LRRC4C: variants seen among roughly 807,000 people sequenced by gnomAD.
LRRC4C encodes leucine rich repeat containing 4C.
In LRRC4C, 5 loss-of-function variants were observed where a neutral mutation model predicts 33.6. The ratio of observed to expected loss-of-function variants is 0.15; its 90% CI spans 0.08 to 0.31. The LOEUF (loss-of-function observed/expected upper bound fraction) is 0.31. Ranked by LOEUF, LRRC4C falls within the 10% of genes least tolerant of loss-of-function variation. The pLI, the probability that LRRC4C is intolerant of heterozygous loss-of-function variation, is 1.00. For missense variants in LRRC4C, 560 were observed against 796.7 expected, an observed-to-expected ratio of 0.70 and a Z score of 3.58; for synonymous variants, 329 against 302.0, an observed-to-expected ratio of 1.09 and a Z score of -0.93.
chr11:40,560,829 A>G (rs1033643584), intron 3 of LRRC4C, among the ~76,000 whole-genome samples: 6 of 152,218 alleles, frequency 3.9e-5, no homozygotes, highest in Admixed American at 6.5e-5. Context: ...ATCTGCATTT[A>G]TACACAATAT....
chr11:40,831,787 T>A (rs1320241348), intron 2 of LRRC4C, among the ~76,000 whole-genome samples: 2 of 151,946 alleles, frequency 1.3e-5, no homozygotes, highest in Non-Finnish European at 2.9e-5. Flanking sequence ...CCATTGGATC[T>A]CATGAAATAT....
intron 2 of LRRC4C, among the ~76,000 whole-genome samples, chr11:40,921,377 A>T (rs2136361924): frequency 6.6e-6 from 1 of 152,336 alleles, no homozygotes; most frequent in South Asian, 2.1e-4. Context: ...AATGTGAATG[A>T]TGTCTAGAAG....
intron 1 of LRRC4C, among the ~76,000 whole-genome samples, chr11:41,270,340 T>C (rs1226643258): frequency 2.6e-5 from 4 of 152,140 alleles, no homozygotes; most frequent in Non-Finnish European, 5.9e-5. Flanking sequence ...GTTCCTTGCT[T>C]TATGGTTCTC....
At chr11:40,250,000 T>C (rs1229382951) in intron 4 of LRRC4C, among the ~76,000 whole-genome samples, 1 of 152,242 alleles carries the variant, frequency 6.6e-6, no homozygotes, top group African/African-American at 2.4e-5. Context: ...TCGCATTGCA[T>C]GTTTGCAACT....
At chr11:40,327,760 A>C (rs2136912242) in intron 3 of LRRC4C, among the ~76,000 whole-genome samples, 1 of 152,224 alleles carries the variant, frequency 6.6e-6, no homozygotes, top group South Asian at 2.1e-4. Context: ...CAACAAAAAT[A>C]TCTCAAGCGG....
intron 3 of LRRC4C, among the ~76,000 whole-genome samples, chr11:40,424,790 T>G (rs1249403978): frequency 6.6e-6 from 1 of 152,238 alleles, no homozygotes; most frequent in Admixed American, 6.5e-5. Flanking sequence ...ATTTTTTGGA[T>G]AATTCACTCC....
intron 2 of LRRC4C, among the ~76,000 whole-genome samples, chr11:40,932,326 T>A (rs1022232069): frequency 4.6e-5 from 7 of 152,102 alleles, no homozygotes; most frequent in Non-Finnish European, 1.0e-4. Flanking sequence ...CAAAAATAGA[T>A]CCTTCTTCTA....
At chr11:40,924,168 T>TA (rs1294639251) in intron 2 of LRRC4C, among the ~76,000 whole-genome samples, 1 of 151,186 alleles carries the variant, frequency 6.6e-6, no homozygotes, top group East Asian at 1.9e-4. Flanking sequence ...TCAAAGCCCT[T>TA]AAAAATGGAA....
chr11:40,227,091 C>G (rs1864853782), intron 5 of LRRC4C, among the ~76,000 whole-genome samples: 1 of 152,160 alleles, frequency 6.6e-6, no homozygotes, highest in Admixed American at 6.5e-5. Flanking sequence ...GAGAATCTAG[C>G]CACTCACACA....
chr11:40,814,702 T>C (rs1461131053), intron 2 of LRRC4C, among the ~76,000 whole-genome samples: 1 of 151,774 alleles, frequency 6.6e-6, no homozygotes, highest in Non-Finnish European at 1.5e-5. Flanking sequence ...AAATTTCTTC[T>C]GCCAGATACC....
At chr11:41,089,562 T>G (rs1234423805) in intron 1 of LRRC4C, among the ~76,000 whole-genome samples, 1 of 152,028 alleles carries the variant, frequency 6.6e-6, no homozygotes, top group Non-Finnish European at 1.5e-5. Flanking sequence ...TCAACGTAAG[T>G]GCAGGTCAGA....
At chr11:40,643,601 T>A (rs954880496) in intron 3 of LRRC4C, among the ~76,000 whole-genome samples, 4 of 152,136 alleles carry the variant, frequency 2.6e-5, no homozygotes, top group South Asian at 2.1e-4. Context: ...CACCCAGGAA[T>A]AATGACACCA....
At chr11:40,627,740 T>C (rs913271683) in intron 3 of LRRC4C, among the ~76,000 whole-genome samples, 1 of 152,176 alleles carries the variant, frequency 6.6e-6, no homozygotes. Flanking sequence ...TACTCTTCCA[T>C]TTGAGCACTT....
intron 3 of LRRC4C, among the ~76,000 whole-genome samples, chr11:40,338,681 T>G (rs935607944): frequency 1.5e-4 from 23 of 152,146 alleles, no homozygotes; most frequent in African/African-American, 5.1e-4. Context: ...TTGAAAGTAT[T>G]TTTTTTAAAA....
chr11:40,283,169 C>T (rs571772964), intron 4 of LRRC4C, among the ~76,000 whole-genome samples: 1 of 152,210 alleles, frequency 6.6e-6, no homozygotes, highest in East Asian at 1.9e-4. Flanking sequence ...CTATGAGAAG[C>T]TATGCATTGG....
intron 3 of LRRC4C, among the ~76,000 whole-genome samples, chr11:40,454,822 G>T (rs1490938040): frequency 6.6e-6 from 1 of 152,100 alleles, no homozygotes; most frequent in Admixed American, 6.6e-5. Context: ...CAAGGCTTCA[G>T]GTGGGAGTGA....
intron 2 of LRRC4C, among the ~76,000 whole-genome samples, chr11:40,840,835 A>G (rs1389391999): frequency 6.6e-6 from 1 of 152,232 alleles, no homozygotes; most frequent in East Asian, 1.9e-4. Context: ...ATTTGTTAAT[A>G]TTAGTTACTT....
At chr11:41,139,645 A>G (rs1026185582) in intron 1 of LRRC4C, among the ~76,000 whole-genome samples, 1 of 152,232 alleles carries the variant, frequency 6.6e-6, no homozygotes, top group Non-Finnish European at 1.5e-5. Flanking sequence ...TAACCAGCAC[A>G]ATCCTCAAGT....
intron 2 of LRRC4C, among the ~76,000 whole-genome samples, chr11:40,691,603 T>G (rs930089457): frequency 3.3e-5 from 5 of 152,096 alleles, no homozygotes; most frequent in African/African-American, 1.2e-4. Context: ...GGTTAATCAC[T>G]TCTCCACAAT....
Sources: allele counts gnomAD v4.1 joint callset (sites outside exome capture counted in the v4.1 genomes callset), GRCh38; gene constraint gnomAD v4.1.1; transcripts MANE v1.5; gene names NCBI Gene and HGNC (gene_info 2026-07-23, HGNC 2026-07-21).